ELMO1: variants seen among roughly 807,000 people sequenced by gnomAD.
ELMO1 encodes engulfment and cell motility protein 1.
ELMO1 carries 26 observed loss-of-function variants against 98.9 expected under a neutral mutation model. The ratio of observed to expected loss-of-function variants is 0.26; its 90% confidence interval spans 0.19 to 0.36. The LOEUF is 0.36. Ranked by LOEUF, ELMO1 falls within the 10% of genes least tolerant of loss-of-function variation. The probability of loss-of-function intolerance (pLI) is 1.00; values close to 1 mark genes in which losing one functional copy is unlikely to be tolerated. For missense variants in ELMO1, 627 were observed against 935.2 expected, an observed-to-expected ratio of 0.67 and a Z score of 4.30; for synonymous variants, 346 against 346.0, an observed-to-expected ratio of 1.00 and a Z score of 0.00.
intron 1 of ELMO1, among the ~76,000 whole-genome samples, chr7:37,442,967 C>T (rs1805469092): frequency 6.6e-6 from 1 of 152,214 alleles, no homozygotes; most frequent in Non-Finnish European, 1.5e-5. Context: ...GATGCACTCT[C>T]TAAGTATGCT....
chr7:37,064,258 T>C (rs941997733), intron 15 of ELMO1, among the ~76,000 whole-genome samples: 3 of 152,204 alleles, frequency 2.0e-5, no homozygotes, highest in African/African-American at 4.8e-5. Flanking sequence ...ACCTTGCTCA[T>C]TGACTCCCCT....
At chr7:37,248,561 A>G (rs548370085) in intron 6 of ELMO1, among the ~76,000 whole-genome samples, 38 of 152,348 alleles carry the variant, frequency 2.5e-4, no homozygotes, top group Middle Eastern at 6.8e-3. Context: ...GAGCTGTTCC[A>G]GCTGGAGCTC....
At chr7:36,892,246 G>A (rs1293360565) in intron 17 of ELMO1, among the ~76,000 whole-genome samples, 5 of 152,200 alleles carry the variant, frequency 3.3e-5, no homozygotes, top group African/African-American at 1.2e-4. Flanking sequence ...TGGCTAGTGG[G>A]ATTCCCCACT....
chr7:37,187,412 C>A (rs1021384190), intron 13 of ELMO1, among the ~76,000 whole-genome samples: 1 of 151,986 alleles, frequency 6.6e-6, no homozygotes, highest in East Asian at 1.9e-4. Context: ...CTAAAAGCAC[C>A]CAAACTGTAC....
At position 37,375,655 on chromosome 7, in the gene ELMO1, G is replaced by A; in HGVS notation, c.-73-32892C>T. The A allele has an allele frequency of 3.3e-6, 4 of 1,226,296 alleles. No homozygotes were observed. The South Asian group carries it at 4.8e-5, about 15-fold the overall frequency. 76.0% of individuals were successfully genotyped at this position (1,226,296 alleles called of 1,614,324 possible). A position where few individuals can be genotyped will look rare whatever the true frequency, so the allele number is the denominator to read the frequency against. On this transcript the variant is annotated intron_variant, in intron 1 of 21. Transcript: ENST00000310758. ...AGACAAGAATGTGCCCAACCTTCAG[G>A]TCATGAAGGCCATGCAGTCTCTCAA... is the stretch of plus-strand genomic sequence containing the variant.
chr7:37,051,384 T>C (rs1055963691), intron 15 of ELMO1, among the ~76,000 whole-genome samples: 1 of 152,228 alleles, frequency 6.6e-6, no homozygotes, highest in African/African-American at 2.4e-5. Context: ...TTTGTAAGAC[T>C]AATAAATCTT....
chr7:37,087,863 G>C (rs962551375), intron 15 of ELMO1, among the ~76,000 whole-genome samples: 1 of 152,178 alleles, frequency 6.6e-6, no homozygotes, highest in African/African-American at 2.4e-5. Context: ...ATAAACAGTA[G>C]AAAGCATAAC....
At chr7:37,033,812 A>G (rs1795017741) in intron 15 of ELMO1, among the ~76,000 whole-genome samples, 2 of 152,198 alleles carry the variant, frequency 1.3e-5, no homozygotes, top group African/African-American at 4.8e-5. Flanking sequence ...GAGAAAGACT[A>G]TTCATTGCCC....
intron 4 of ELMO1, among the ~76,000 whole-genome samples, chr7:37,292,752 C>T (rs1173503238): frequency 3.7e-5 from 4 of 107,030 alleles, no homozygotes; most frequent in African/African-American, 9.6e-5. Flanking sequence ...GGTCAGCCCC[C>T]CGCCCGGCCA....
At chr7:36,933,259 A>C in intron 16 of ELMO1, among the ~76,000 whole-genome samples, 1 of 152,178 alleles carries the variant, frequency 6.6e-6, no homozygotes, top group East Asian at 1.9e-4. Flanking sequence ...TAGCTAAAAC[A>C]ATACAGGAAC....
At chr7:37,309,843 C>T (rs970248513) in intron 4 of ELMO1, among the ~76,000 whole-genome samples, 3 of 152,234 alleles carry the variant, frequency 2.0e-5, no homozygotes, top group African/African-American at 7.2e-5. Context: ...CCCTCCCAGG[C>T]CTTCATCCTT....
chr7:36,990,520 G>A (rs1791806390), intron 16 of ELMO1, among the ~76,000 whole-genome samples: 1 of 152,058 alleles, frequency 6.6e-6, no homozygotes, highest in Non-Finnish European at 1.5e-5. Flanking sequence ...GGGGTGGGGT[G>A]GGAATCACTG....
chr7:37,158,749 T>C (rs1012641325), intron 13 of ELMO1, among the ~76,000 whole-genome samples: 2 of 152,198 alleles, frequency 1.3e-5, no homozygotes, highest in Non-Finnish European at 2.9e-5. Flanking sequence ...AGTGTGGCGA[T>C]TCCTCAAGAA....
chr7:37,287,950 CT>C (rs1056263402), intron 4 of ELMO1, among the ~76,000 whole-genome samples: 200 of 151,972 alleles, frequency 1.3e-3, no homozygotes, highest in Middle Eastern at 6.8e-3. Context: ...CAAATGTCAC[CT>C]TTTTTTTGTT....
intron 4 of ELMO1, among the ~76,000 whole-genome samples, chr7:37,305,293 A>C (rs1798551770): frequency 6.6e-6 from 1 of 152,232 alleles, no homozygotes; most frequent in African/African-American, 2.4e-5. Flanking sequence ...CTATAATGAG[A>C]ACAAAAGTGA....
At chr7:37,263,625 A>G (rs1796091734) in intron 5 of ELMO1, among the ~76,000 whole-genome samples, 1 of 152,216 alleles carries the variant, frequency 6.6e-6, no homozygotes, top group Non-Finnish European at 1.5e-5. Flanking sequence ...GTGACATTCA[A>G]GGAGAGATCT....
At chr7:36,987,237 C>T (rs939811455) in intron 16 of ELMO1, among the ~76,000 whole-genome samples, 5 of 152,190 alleles carry the variant, frequency 3.3e-5, no homozygotes, top group African/African-American at 1.2e-4. Context: ...CCAAATTCCC[C>T]GGGTTGCATG....
At chr7:37,229,457 T>C (rs1370905022) in intron 8 of ELMO1, among the ~76,000 whole-genome samples, 2 of 151,946 alleles carry the variant, frequency 1.3e-5, no homozygotes, top group East Asian at 1.9e-4. Flanking sequence ...GATTCACACA[T>C]AACAAAACAG....
chr7:37,213,526 C>A, intron 11 of ELMO1, 69 bp from the exon 12 acceptor site: 1 of 1,459,928 alleles, frequency 6.8e-7, no homozygotes, highest in Non-Finnish European at 9.3e-7. Context: ...AATTAACACT[C>A]AAGAAGGCTC....
Sources: allele counts gnomAD v4.1 joint callset (sites outside exome capture counted in the v4.1 genomes callset), GRCh38; gene constraint gnomAD v4.1.1; transcripts MANE v1.5; gene names NCBI Gene and HGNC (gene_info 2026-07-23, HGNC 2026-07-21).